Variants in TIAM2 observed in about 807,000 individuals in gnomAD.
TIAM2 encodes rho guanine nucleotide exchange factor TIAM2.
Under a neutral mutation model 152.9 loss-of-function variants are expected in TIAM2, and 80 were observed. That is an observed-to-expected ratio of 0.52 (90% CI 0.44 to 0.63). The LOEUF (loss-of-function observed/expected upper bound fraction) is 0.63, where lower values mean the gene tolerates loss of function less well. Ranked by LOEUF, TIAM2 falls within the 30% of genes least tolerant of loss-of-function variation. The pLI, the probability that TIAM2 is intolerant of heterozygous loss-of-function variation, is 0.00. For synonymous variants in TIAM2, 804 were observed against 838.0 expected (o/e 0.96, Z 0.70); for missense variants, 1,965 against 2,120.1 (o/e 0.93, Z 1.44).
intron 2 of TIAM2, among the ~76,000 whole-genome samples, chr6:155,118,113 G>C (rs1347001561): frequency 6.6e-6 from 1 of 152,186 alleles, no homozygotes; most frequent in East Asian, 1.9e-4. Context: ...GGGAACAGTG[G>C]GTAGGGGAGG....
intron 15 of TIAM2, among the ~76,000 whole-genome samples, chr6:155,225,238 G>T (rs905451503): frequency 6.6e-6 from 1 of 152,204 alleles, no homozygotes; most frequent in Non-Finnish European, 1.5e-5. Context: ...TTACAGGCAT[G>T]AGCCAATGCA....
In TIAM2 at chr6:155,148,235, G is replaced by T; in HGVS notation, c.1929G>T (p.Leu643=). The change falls in exon 7 of 27, where the codon CTG becomes CTT. Residue 643 remains leucine, a synonymous_variant. Transcript: ENST00000682666. ...TGCTGAAGAACCAGACCAAAAACCT[G>T]CTTCAGAAGATAGACATGGACAGCA... ...LRLLKNQTKN[L]LQKIDMDSKM... is the part of the protein sequence containing the mutation. 1 of 1,612,984 alleles carries T rather than the reference G, an allele frequency of 6.2e-7. No homozygotes were observed. Among genetic ancestry groups the T allele is most frequent in the African/African-American group, 1.3e-5 (1 of 75,008 alleles).
At chr6:155,062,307 A>T (rs979229495) in intron 1 of TIAM2, among the ~76,000 whole-genome samples, 3 of 152,168 alleles carry the variant, frequency 2.0e-5, no homozygotes, top group African/African-American at 7.2e-5. Flanking sequence ...AATTGTGTGC[A>T]GGTTTTTGCA....
chr6:155,136,971 A>G (rs1779569223), intron 4 of TIAM2, among the ~76,000 whole-genome samples: 4 of 152,232 alleles, frequency 2.6e-5, no homozygotes, highest in Admixed American at 2.6e-4. Context: ...TGCTAATTCT[A>G]CTGGATATAA....
At chr6:155,014,131 A>G (rs1003030071) in intron 1 of TIAM2, 1 of 152,064 alleles carries the variant, frequency 6.6e-6, no homozygotes, top group African/African-American at 2.4e-5. Context: ...CAGTAAATCT[A>G]TTTTGTCTGT....
intron 15 of TIAM2, among the ~76,000 whole-genome samples, chr6:155,221,110 GTTTTTTT>G (rs35638764): frequency 2.4e-3 from 234 of 98,974 alleles, no homozygotes; most frequent in African/African-American, 8.3e-3. Context: ...CTTTCATCTT[GTTTTTTT>G]TTTTTTTTGA....
chr6:155,020,132 T>C (rs1776446858), intron 1 of TIAM2, among the ~76,000 whole-genome samples: 1 of 152,138 alleles, frequency 6.6e-6, no homozygotes, highest in Non-Finnish European at 1.5e-5. Flanking sequence ...CACCCGGCTA[T>C]CATCACTTCC....
chr6:155,240,695 A>T lies in TIAM2; in HGVS notation c.3334A>T (p.Lys1112Ter). Reference protein sequence around the residue: ...KVIQELVDTEKSYVKDLSCLF... With the variant: ...KVIQELVDTE ...CATCCAGGAGCTTGTGGACACAGAG[A>T]AGTCCTACGTGAAGGTAAGGGAAGA... The change falls in exon 16 of 27, where the codon AAG becomes TAG. Residue 1112 changes from lysine to a stop codon, truncating the protein, a stop_gained. Transcript: ENST00000682666. LOFTEE classifies it high-confidence loss of function. 6.2e-7 allele frequency: 1 copy of T among 1,612,316 alleles called. No individual in the cohort carries two copies. Among genetic ancestry groups the T allele is most frequent in the East Asian group, 2.2e-5 (1 of 44,874 alleles).
At chr6:155,080,519 A>C (rs924819860) in intron 1 of TIAM2, among the ~76,000 whole-genome samples, 1 of 151,010 alleles carries the variant, frequency 6.6e-6, no homozygotes, top group Non-Finnish European at 1.5e-5. Context: ...TGCTCACTGC[A>C]ACCTCCGCCT....
At chr6:155,209,379 C>A (rs1184393530) in intron 14 of TIAM2, among the ~76,000 whole-genome samples, 3 of 152,090 alleles carry the variant, frequency 2.0e-5, no homozygotes, top group African/African-American at 7.2e-5. Context: ...TTGTGACTTA[C>A]CTAGATTGGT....
At chr6:155,093,940 A>G (rs972613453) in intron 2 of TIAM2, among the ~76,000 whole-genome samples, 4 of 152,192 alleles carry the variant, frequency 2.6e-5, no homozygotes, top group Admixed American at 6.5e-5. Context: ...AGGATTGACA[A>G]TTTTTGTGTT....
chr6:155,220,454 G>A (rs1782005054), intron 15 of TIAM2, among the ~76,000 whole-genome samples: 2 of 152,212 alleles, frequency 1.3e-5, no homozygotes, highest in Middle Eastern at 3.2e-3. Flanking sequence ...AACCCCAGGA[G>A]CCCTGGGCCA....
intron 7 of TIAM2, among the ~76,000 whole-genome samples, chr6:155,148,549 G>T (rs1329469794): frequency 6.6e-6 from 1 of 152,022 alleles, no homozygotes; most frequent in Non-Finnish European, 1.5e-5. Context: ...GACCTTTGGC[G>T]GCTCTATGTA....
rs921724516 is a variant in TIAM2 at position 155,130,297 on chromosome 6, C to A, written c.1074C>A (p.Leu358=). The stretch of plus-strand genomic sequence containing the variant: ...CCATCCAGTACAGTTCCTTCACTCT[C>A]CCCTGTCGGAAGCCCAAAGCCTTTG... ...GDPIQYSSFT[L]PCRKPKAFVE... Residue 358 remains leucine (L), a synonymous_variant, in exon 4 of 27, where the codon CTC becomes CTA. Transcript: ENST00000682666. 1 of 1,614,174 alleles carries A rather than the reference C, an allele frequency of 6.2e-7. No homozygotes were observed. Among genetic ancestry groups the A allele is most frequent in the Non-Finnish European group, 8.5e-7 (1 of 1,180,036 alleles).
intron 1 of TIAM2, among the ~76,000 whole-genome samples, chr6:155,062,534 G>A (rs1166700445): frequency 2.6e-5 from 4 of 151,024 alleles, no homozygotes; most frequent in Non-Finnish European, 4.4e-5. Context: ...ATTCTAGTAA[G>A]TGTATAGTAA....
intron 2 of TIAM2, among the ~76,000 whole-genome samples, chr6:155,102,237 G>T (rs527747432): frequency 6.6e-6 from 1 of 152,258 alleles, no homozygotes; most frequent in South Asian, 2.1e-4. Context: ...TGGTCTGCCT[G>T]TCTTGGCCTC....
intron 9 of TIAM2, among the ~76,000 whole-genome samples, chr6:155,173,800 G>A (rs1188601016): frequency 6.6e-6 from 1 of 152,182 alleles, no homozygotes; most frequent in Non-Finnish European, 1.5e-5. Context: ...GCTGTACCAG[G>A]GACATAGGAG....
chr6:155,183,639 A>G, intron 14 of TIAM2, 139 bp downstream of exon 14: 1 of 967,524 alleles, frequency 1.0e-6, no homozygotes, highest in South Asian at 2.3e-5. Context: ...CACAGATGCC[A>G]ACTGGAGTAG....
intron 9 of TIAM2, among the ~76,000 whole-genome samples, chr6:155,169,928 T>C (rs6922338): frequency 0.14 from 21,412 of 152,096 alleles, 1,674 homozygotes; most frequent in African/African-American, 0.2. Context: ...AAGCAGTTCT[T>C]CTGCCTCAGC....
Sources: allele counts gnomAD v4.1 joint callset (sites outside exome capture counted in the v4.1 genomes callset), GRCh38; gene constraint gnomAD v4.1.1; transcripts MANE v1.5; gene names NCBI Gene and HGNC (gene_info 2026-07-23, HGNC 2026-07-21).